Variants in GSE1 observed in about 807,000 individuals in gnomAD.
GSE1 encodes Gse1 coiled-coil protein.
Under a neutral mutation model 112.6 loss-of-function variants are expected in GSE1, and 32 were observed. The observed-to-expected ratio is 0.28, with a 90% CI of 0.21 to 0.38. GSE1 has a LOEUF of 0.38. GSE1 is among the 10% of genes least tolerant of loss of function. The pLI is 1.00. For missense variants in GSE1, 2,348 were observed against 1,699.2 expected (o/e 1.38, Z -6.71); for synonymous variants, 1,115 against 735.6 (o/e 1.52, Z -8.35).
rs902192166 is a variant in GSE1 at position 85,195,129 on chromosome 16, G to A, written c.2283+23322G>A. Among the ~76,000 whole-genome samples the A allele has an allele frequency of 3.9e-5, 6 of 152,254 alleles. No individual in the cohort carries two copies. The South Asian group carries it at 1.0e-3, about 26-fold the overall frequency. ...GGGGAGAGGAGGAACAGGCATAGGT[G>A]AAGTCAGCTATCTTATGGTTGGTGG... On this transcript the variant is annotated intron_variant, in intron 1 of 2. Coordinates refer to the GSE1 transcript ENST00000637419.
chr16:85,552,277 G>C (rs548393196), upstream of GSE1, among the ~76,000 whole-genome samples: 84 of 145,912 alleles, frequency 5.8e-4, no homozygotes, highest in African/African-American at 1.9e-3. Flanking sequence ...CGTCCGCCTC[G>C]GCCTCCCAAA....
chr16:85,322,204 A>C (rs914630548), intron 1 of GSE1, among the ~76,000 whole-genome samples: 2 of 151,614 alleles, frequency 1.3e-5, no homozygotes, highest in Non-Finnish European at 2.9e-5. Flanking sequence ...GTCACATGGC[A>C]CACGTTCCAG....
chr16:85,551,830 G>A (rs764876607), upstream of GSE1, among the ~76,000 whole-genome samples: 12 of 152,184 alleles, frequency 7.9e-5, no homozygotes, highest in Non-Finnish European at 1.8e-4. Flanking sequence ...AAGGTAATTC[G>A]ATGCAGGCAT....
chr16:85,395,756 A>ATCATCCCGCCTGCC (rs2047950046), intron 2 of GSE1, among the ~76,000 whole-genome samples: 1 of 152,034 alleles, frequency 6.6e-6, no homozygotes, highest in Non-Finnish European at 1.5e-5. Context: ...CAGCTCCTAA[A>ATCATCCCGCCTGCC]TCATCCCGCC....
intron 14 of GSE1, among the ~76,000 whole-genome samples, chr16:85,670,054 G>T (rs996845876): frequency 6.6e-6 from 1 of 152,220 alleles, no homozygotes; most frequent in Admixed American, 6.5e-5. Flanking sequence ...TTACAGGCGT[G>T]GTTGGCATCC....
At chr16:85,236,743 C>G (rs1014006056) in intron 1 of GSE1, among the ~76,000 whole-genome samples, 9 of 152,134 alleles carry the variant, frequency 5.9e-5, no homozygotes, top group African/African-American at 1.9e-4. Flanking sequence ...CTCTCTCCAG[C>G]CTGGGTAGAG....
At chr16:85,390,165 A>G (rs2047804583) in intron 2 of GSE1, among the ~76,000 whole-genome samples, 1 of 152,214 alleles carries the variant, frequency 6.6e-6, no homozygotes, top group African/African-American at 2.4e-5. Flanking sequence ...GTGTATTCTT[A>G]CACATACTTC....
intron 1 of GSE1, among the ~76,000 whole-genome samples, chr16:85,336,794 A>G (rs974985549): frequency 6.6e-6 from 1 of 152,104 alleles, no homozygotes; most frequent in Non-Finnish European, 1.5e-5. Flanking sequence ...ATGTGCACAT[A>G]TGCATGCTCA....
chr16:85,353,883 G>T (rs1014745177), intron 1 of GSE1, among the ~76,000 whole-genome samples: 7 of 152,338 alleles, frequency 4.6e-5, no homozygotes, highest in African/African-American at 1.7e-4. Context: ...TAGACCACGA[G>T]CCCCTTGAGG....
At chr16:85,264,649 C>T (rs1036986976) in intron 1 of GSE1, among the ~76,000 whole-genome samples, 5 of 152,140 alleles carry the variant, frequency 3.3e-5, no homozygotes, top group African/African-American at 7.2e-5. Flanking sequence ...CTGTGGACGG[C>T]GTCGGGTGGG....
intron 1 of GSE1, among the ~76,000 whole-genome samples, chr16:85,259,375 A>G (rs35068778): frequency 0.26 from 40,201 of 151,724 alleles, 6,007 homozygotes; most frequent in African/African-American, 0.4. Context: ...CCCTCCTGCC[A>G]TGGGCTCCAG....
intron 1 of GSE1, among the ~76,000 whole-genome samples, chr16:85,262,365 G>T (rs886585316): frequency 2.0e-5 from 3 of 152,172 alleles, no homozygotes; most frequent in African/African-American, 7.2e-5. Context: ...GAGATTGTCG[G>T]GGAGGGGGCC....
chr16:85,478,909 T>TTCTTTCTTTA (rs2050571096), intron 2 of GSE1, among the ~76,000 whole-genome samples: 1 of 70,414 alleles, frequency 1.4e-5, no homozygotes, highest in Admixed American at 1.5e-4. Context: ...CTTTCTTTCT[T>TTCTTTCTTTA]TCTTTCTTTC....
At chr16:85,233,458 C>T (rs539160056) in intron 1 of GSE1, among the ~76,000 whole-genome samples, 68 of 152,334 alleles carry the variant, frequency 4.5e-4, no homozygotes, top group African/African-American at 1.5e-3. Context: ...CCCGTTCTCT[C>T]CTCCTGAGGG....
chr16:85,371,568 C>A (rs1270683487), intron 2 of GSE1, among the ~76,000 whole-genome samples: 2 of 152,158 alleles, frequency 1.3e-5, no homozygotes, highest in East Asian at 3.9e-4. Flanking sequence ...GTGGCAGGGC[C>A]TTGGGGCCAC....
At chr16:85,277,078 A>G (rs114400307) in intron 1 of GSE1, among the ~76,000 whole-genome samples, 2,167 of 152,194 alleles carry the variant, frequency 0.014, 44 homozygotes, top group African/African-American at 0.05. Context: ...AATGGATTGA[A>G]TCTGGGGAAG....
At chr16:85,629,941 TGGGCCA>T (rs1226314399) in intron 1 of GSE1, among the ~76,000 whole-genome samples, 1 of 152,184 alleles carries the variant, frequency 6.6e-6, no homozygotes, top group Non-Finnish European at 1.5e-5. Flanking sequence ...TCAGTTTCTG[TGGGCCA>T]GGGATTGGAG....
chr16:85,289,930 T>A lies in GSE1; in HGVS notation c.2284-67533T>A, dbSNP rs536677149. 2.1e-3 allele frequency among the ~76,000 whole-genome samples: 325 copies of A among 152,216 alleles called. 1 individual carries two copies. Among genetic ancestry groups the A allele is most frequent in the African/African-American group, 7.2e-3 (299 of 41,536 alleles). On this transcript the variant is annotated intron_variant, in intron 1 of 2. Transcript: ENST00000637419. ...GCCTGACCTCTCTTTGGAATTCAGA[T>A]TCATTAGATCTGGCTGGAGCCCAGG... is the stretch of plus-strand genomic sequence containing the variant.
At chr16:85,215,265 A>G (rs1337081900) in intron 1 of GSE1, among the ~76,000 whole-genome samples, 2 of 152,188 alleles carry the variant, frequency 1.3e-5, no homozygotes, top group African/African-American at 4.8e-5. Context: ...GCGAAATAAT[A>G]TCTGCCAACC....
Sources: allele counts gnomAD v4.1 joint callset (sites outside exome capture counted in the v4.1 genomes callset), GRCh38; gene constraint gnomAD v4.1.1; transcripts MANE v1.5; gene names NCBI Gene and HGNC (gene_info 2026-07-23, HGNC 2026-07-21).